Variants in TRPM3 observed in about 807,000 individuals in gnomAD.
TRPM3 encodes transient receptor potential cation channel subfamily M member 3.
Under a neutral mutation model 181.2 loss-of-function variants are expected in TRPM3, and 77 were observed. That is an observed-to-expected ratio of 0.42 (90% confidence interval 0.35 to 0.51). The LOEUF is 0.51. Among genes scored for constraint, TRPM3 ranks in the 20% least tolerant of loss-of-function variants. The probability of loss-of-function intolerance (pLI) is 0.01; values close to 1 mark genes in which losing one functional copy is unlikely to be tolerated. For synonymous variants in TRPM3, 745 were observed against 796.4 expected (o/e 0.94, Z 1.09); for missense variants, 1,759 against 2,196.7 (o/e 0.80, Z 3.98).
chr9:70,740,927 C>G (rs117490941), intron 8 of TRPM3, among the ~76,000 whole-genome samples: 2,686 of 152,234 alleles, frequency 0.018, 31 homozygotes, highest in Middle Eastern at 0.031. Flanking sequence ...GACAAGAACA[C>G]GAAAGCAAAT....
intron 1 of TRPM3, among the ~76,000 whole-genome samples, chr9:71,160,347 A>G (rs1189672624): frequency 6.6e-6 from 1 of 152,168 alleles, no homozygotes; most frequent in Non-Finnish European, 1.5e-5. Context: ...ATCATCTTCT[A>G]AAATCATTTA....
At chr9:71,424,376 T>C (rs998851601) in intron 1 of TRPM3, among the ~76,000 whole-genome samples, 1 of 152,096 alleles carries the variant, frequency 6.6e-6, no homozygotes, top group Non-Finnish European at 1.5e-5. Context: ...TTCAAGAAAC[T>C]CCTTGACCAC....
intron 1 of TRPM3, among the ~76,000 whole-genome samples, chr9:70,909,706 G>A (rs556974819): frequency 6.6e-6 from 1 of 152,206 alleles, no homozygotes; most frequent in Non-Finnish European, 1.5e-5. Flanking sequence ...GATTTTCAAG[G>A]GGCCAATAAA....
At chr9:71,057,565 TATG>T (rs1319438791) in intron 1 of TRPM3, among the ~76,000 whole-genome samples, 1 of 152,070 alleles carries the variant, frequency 6.6e-6, no homozygotes, top group African/African-American at 2.4e-5. Flanking sequence ...AAAGAGTGCC[TATG>T]ATGTGTCTGG....
At chr9:71,040,927 G>A (rs1204050928) in intron 1 of TRPM3, among the ~76,000 whole-genome samples, 1 of 152,160 alleles carries the variant, frequency 6.6e-6, no homozygotes, top group Non-Finnish European at 1.5e-5. Flanking sequence ...GATAAGGGAA[G>A]ACTAAGCACT....
At chr9:70,581,058 A>G (rs868309930) in intron 22 of TRPM3, among the ~76,000 whole-genome samples, 3 of 152,246 alleles carry the variant, frequency 2.0e-5, no homozygotes, top group South Asian at 2.1e-4. Flanking sequence ...ATATTATAGC[A>G]GGATGTCTCC....
chr9:70,837,534 A>C (rs1056919460), intron 5 of TRPM3, among the ~76,000 whole-genome samples: 12 of 152,204 alleles, frequency 7.9e-5, no homozygotes, highest in Middle Eastern at 3.2e-3. Flanking sequence ...TGGGTTTTTA[A>C]ATTGTTATGT....
chr9:71,191,928 G>A (rs144502791), intron 1 of TRPM3, among the ~76,000 whole-genome samples: 87 of 151,812 alleles, frequency 5.7e-4, no homozygotes, highest in Non-Finnish European at 1.1e-3. Flanking sequence ...GAGTGAATGG[G>A]GAGGTAACTA....
chr9:71,041,439 T>G (rs533256719), intron 1 of TRPM3, among the ~76,000 whole-genome samples: 2 of 152,272 alleles, frequency 1.3e-5, no homozygotes, highest in East Asian at 3.9e-4. Flanking sequence ...GTATTGGGTT[T>G]GATTATGATC....
At chr9:70,827,802 G>C in intron 6 of TRPM3, 45 bp downstream of exon 6, 2 of 1,592,934 alleles carry the variant, frequency 1.3e-6, no homozygotes, top group Non-Finnish European at 1.7e-6. Flanking sequence ...TTCACTTTCA[G>C]CATACCTCCT....
chr9:71,367,346 A>G (rs962743329), intron 1 of TRPM3, among the ~76,000 whole-genome samples: 13 of 152,208 alleles, frequency 8.5e-5, no homozygotes. Flanking sequence ...TGTCCCAGAC[A>G]CTAGGTCTAA....
intron 1 of TRPM3, among the ~76,000 whole-genome samples, chr9:71,327,906 T>C (rs2089814905): frequency 6.6e-6 from 1 of 152,062 alleles, no homozygotes; most frequent in Non-Finnish European, 1.5e-5. Context: ...TACTTGGCAT[T>C]AAGGAGCACA....
At chr9:71,007,039 CAAAAAAAAAA>C (rs59442017) in intron 1 of TRPM3, among the ~76,000 whole-genome samples, 2 of 27,972 alleles carry the variant, frequency 7.2e-5, no homozygotes, top group South Asian at 2.9e-3. Context: ...AACTCCATCT[CAAAAAAAAAA>C]AAAAAAAAAA....
chr9:71,116,435 G>C (rs571532132), intron 1 of TRPM3, among the ~76,000 whole-genome samples: 1 of 152,260 alleles, frequency 6.6e-6, no homozygotes, highest in African/African-American at 2.4e-5. Flanking sequence ...AAGAGTTTGA[G>C]AACACCAGAG....
chr9:70,657,624 A>G (rs989317190), intron 9 of TRPM3, among the ~76,000 whole-genome samples: 1 of 152,288 alleles, frequency 6.6e-6, no homozygotes, highest in Admixed American at 6.5e-5. Flanking sequence ...AAAATCTGAG[A>G]TTAAAAAATT....
chr9:71,437,031 G>C (rs1293215762), intron 1 of TRPM3, among the ~76,000 whole-genome samples: 1 of 152,084 alleles, frequency 6.6e-6, no homozygotes, highest in Non-Finnish European at 1.5e-5. Context: ...TTTTCTTCTA[G>C]TTAACTGAAT....
At chr9:71,168,513 T>TC (rs1554838503) in intron 1 of TRPM3, among the ~76,000 whole-genome samples, 1 of 140,970 alleles carries the variant, frequency 7.1e-6, no homozygotes, top group African/African-American at 2.5e-5. Context: ...CATTTTTCTT[T>TC]TTTTTTTTTT....
chr9:70,906,777 C>A (rs1224716195), intron 1 of TRPM3, among the ~76,000 whole-genome samples: 1 of 152,054 alleles, frequency 6.6e-6, no homozygotes, highest in South Asian at 2.1e-4. Flanking sequence ...GTGGCAGGCA[C>A]CTATAATCCC....
intron 12 of TRPM3, among the ~76,000 whole-genome samples, chr9:70,633,956 A>G (rs576435147): frequency 6.6e-6 from 1 of 152,214 alleles, no homozygotes. Flanking sequence ...GAATTAAAAC[A>G]TCACTTTCTG....
Sources: allele counts gnomAD v4.1 joint callset (sites outside exome capture counted in the v4.1 genomes callset), GRCh38; gene constraint gnomAD v4.1.1; transcripts MANE v1.5; gene names NCBI Gene and HGNC (gene_info 2026-07-23, HGNC 2026-07-21).